Variants in KIF15 observed in about 807,000 individuals in gnomAD.
KIF15 encodes kinesin family member 15.
In KIF15, 140 loss-of-function variants were observed where a neutral mutation model predicts 190.6. That is an observed-to-expected ratio of 0.73 (90% CI 0.64 to 0.84). KIF15 has a LOEUF of 0.84. Among genes scored for constraint, KIF15 ranks in the 40% least tolerant of loss-of-function variants. The probability of loss-of-function intolerance (pLI) is 0.00; values close to 1 mark genes in which losing one functional copy is unlikely to be tolerated. For synonymous variants in KIF15, 528 were observed against 551.3 expected, an observed-to-expected ratio of 0.96 and a Z score of 0.59; for missense variants, 1,372 against 1,584.4, an observed-to-expected ratio of 0.87 and a Z score of 2.28.
At chr3:44,849,558 T>C (rs548231074) in intron 32 of KIF15, among the ~76,000 whole-genome samples, 42 of 152,306 alleles carry the variant, frequency 2.8e-4, no homozygotes, top group African/African-American at 9.4e-4. Flanking sequence ...CTACTTTCTG[T>C]TTAAGAAATA....
At chr3:44,811,081 T>G in intron 17 of KIF15, 38 bp downstream of exon 17, 1 of 1,421,758 alleles carries the variant, frequency 7.0e-7, no homozygotes. Flanking sequence ...TAACTGGACA[T>G]CCATTTAAAT....
At chr3:44,768,190 C>T (rs1293791435) in intron 1 of KIF15, among the ~76,000 whole-genome samples, 1 of 151,302 alleles carries the variant, frequency 6.6e-6, no homozygotes, top group Non-Finnish European at 1.5e-5. Context: ...AGGGGAATTG[C>T]TTGAATCTGG....
chr3:44,834,819 G>C (rs1296634653), intron 26 of KIF15, among the ~76,000 whole-genome samples: 1 of 151,556 alleles, frequency 6.6e-6, no homozygotes, highest in Non-Finnish European at 1.5e-5. Context: ...TATAGTCCCA[G>C]CTACTTGGGA....
chr3:44,799,201 A>G, intron 10 of KIF15: 1 of 455,566 alleles, frequency 2.2e-6, no homozygotes, highest in Admixed American at 2.4e-5. Flanking sequence ...CCTTGTAATG[A>G]GGCTGGCCAT....
rs755100079 is a variant in KIF15, at chr3:44,805,185, C to T, written c.1829+17C>T. ...ACTTACTAGGTAAAGTCTAAATACACATGCATGCACACTTATTTTCTTTCA... is the reference window on the plus strand; with the variant it reads ...ACTTACTAGGTAAAGTCTAAATACATATGCATGCACACTTATTTTCTTTCA... On this transcript the variant is annotated intron_variant, in intron 15 of 34. Transcript: ENST00000326047. 12 of 1,593,010 alleles carry T rather than the reference C, an allele frequency of 7.5e-6. No homozygotes were observed. Among genetic ancestry groups the T allele is most frequent in the Non-Finnish European group, 1.0e-5 (12 of 1,170,090 alleles).
chr3:44,781,991 G>A (rs1706187537), intron 5 of KIF15, among the ~76,000 whole-genome samples: 1 of 150,726 alleles, frequency 6.6e-6, no homozygotes, highest in East Asian at 1.9e-4. Context: ...CTTACTTAAG[G>A]TTTTTTTTTC....
intron 16 of KIF15, among the ~76,000 whole-genome samples, chr3:44,806,627 A>T (rs1414870354): frequency 6.6e-6 from 1 of 152,010 alleles, no homozygotes; most frequent in Non-Finnish European, 1.5e-5. Context: ...AGGTTAAAAA[A>T]TTTTTTCCTT....
At chr3:44,789,283 A>G (rs533494366) in intron 7 of KIF15, among the ~76,000 whole-genome samples, 26 of 115,602 alleles carry the variant, frequency 2.2e-4, no homozygotes, top group African/African-American at 8.4e-4. Context: ...GTAGATCCAA[A>G]TATTTTTCTA....
At chr3:44,775,084 G>C (rs1962389) in intron 2 of KIF15, among the ~76,000 whole-genome samples, 170 bp from the exon 3 acceptor site, 2 of 151,026 alleles carry the variant, frequency 1.3e-5, no homozygotes, top group Non-Finnish European at 2.9e-5. Context: ...TGGGCAACAA[G>C]AATGAAACTC....
intron 27 of KIF15, among the ~76,000 whole-genome samples, chr3:44,839,113 G>A (rs1431209563): frequency 1.3e-5 from 2 of 152,190 alleles, no homozygotes; most frequent in African/African-American, 4.8e-5. Context: ...GCTCACACCT[G>A]TAATCCCAGC....
chr3:44,788,734 C>T (rs1444285801), intron 7 of KIF15, among the ~76,000 whole-genome samples: 1 of 152,222 alleles, frequency 6.6e-6, no homozygotes, highest in Admixed American at 6.5e-5. Context: ...GCGTGAGACA[C>T]TGCACCTGGC....
At chr3:44,783,440 G>T (rs550282379) in intron 5 of KIF15, among the ~76,000 whole-genome samples, 1 of 152,116 alleles carries the variant, frequency 6.6e-6, no homozygotes, top group Non-Finnish European at 1.5e-5. Context: ...GGAAATAAGA[G>T]AACTCACTCC....
chr3:44,847,394 A>G (rs757431778), intron 30 of KIF15, among the ~76,000 whole-genome samples: 2 of 152,198 alleles, frequency 1.3e-5, no homozygotes, highest in Non-Finnish European at 2.9e-5. Context: ...ATTATCTAGA[A>G]TGTAATTTTC....
chr3:44,820,959 G>A (rs1708247541), intron 20 of KIF15, among the ~76,000 whole-genome samples: 1 of 151,072 alleles, frequency 6.6e-6, no homozygotes, highest in African/African-American at 2.4e-5. Context: ...TCCCGGACGG[G>A]GTGGCTGGCC....
intron 5 of KIF15, among the ~76,000 whole-genome samples, chr3:44,784,113 C>A (rs1198360488): frequency 1.3e-5 from 2 of 152,194 alleles, no homozygotes; most frequent in African/African-American, 4.8e-5. Context: ...ATTTTTAGTA[C>A]TTAATGTGTT....
chr3:44,813,963 A>G (rs1707918834), intron 19 of KIF15, among the ~76,000 whole-genome samples: 1 of 152,150 alleles, frequency 6.6e-6, no homozygotes, highest in Non-Finnish European at 1.5e-5. Context: ...AGTGTCTTGA[A>G]TTCATGAATG....
chr3:44,848,564 T>C lies in KIF15; in HGVS notation c.3806+6T>C. Reference sequence around the variant, plus strand: ...ATGCTGAAAATGAAAGCAGAGTAAGTGTACTATTTTGTAATTTAAAATCTT... The same window carrying C: ...ATGCTGAAAATGAAAGCAGAGTAAGCGTACTATTTTGTAATTTAAAATCTT... On this transcript the variant is annotated splice_donor_region_variant and intron_variant, in intron 32 of 34. Coordinates refer to ENST00000326047, the MANE Select transcript of KIF15 (RefSeq NM_020242.3). 1 of 1,177,428 alleles carries C rather than the reference T, an allele frequency of 8.5e-7. No individual in the cohort carries two copies. Among genetic ancestry groups the C allele is most frequent in the Admixed American group, 2.1e-5 (1 of 47,842 alleles). 72.9% of individuals were successfully genotyped at this position (1,177,428 alleles called of 1,614,324 possible). A position where few individuals can be genotyped will look rare whatever the true frequency, so the allele number is the denominator to read the frequency against.
At chr3:44,796,629 T>C (rs1047726955) in intron 8 of KIF15, among the ~76,000 whole-genome samples, 1 of 152,222 alleles carries the variant, frequency 6.6e-6, no homozygotes. Context: ...TCTTGCATTA[T>C]AATTTTGACT....
At chr3:44,840,300 G>T in intron 27 of KIF15, 55 bp from the exon 28 acceptor site, 1 of 1,013,030 alleles carries the variant, frequency 9.9e-7, no homozygotes, top group Non-Finnish European at 1.5e-6. Context: ...TTTCTATTTG[G>T]ACCATGTACC....
Sources: allele counts gnomAD v4.1 joint callset (sites outside exome capture counted in the v4.1 genomes callset), GRCh38; gene constraint gnomAD v4.1.1; transcripts MANE v1.5; gene names NCBI Gene and HGNC (gene_info 2026-07-23, HGNC 2026-07-21).